RGL1: variants seen among roughly 807,000 people sequenced by gnomAD.
The protein encoded by RGL1 is ral guanine nucleotide dissociation stimulator like 1.
A neutral mutation model predicts 95.2 loss-of-function variants in RGL1; 24 were observed. That is an observed-to-expected ratio of 0.25 (90% confidence interval 0.18 to 0.35). The LOEUF (loss-of-function observed/expected upper bound fraction) is 0.35, where lower values mean the gene tolerates loss of function less well. Ranked by LOEUF, RGL1 falls within the 10% of genes least tolerant of loss-of-function variation. The pLI is 1.00. For missense variants in RGL1, 715 were observed against 936.3 expected (o/e 0.76, Z 3.08); for synonymous variants, 329 against 344.9 (o/e 0.95, Z 0.51).
At chr1:183,855,015 T>C (rs576197899) in intron 3 of RGL1, among the ~76,000 whole-genome samples, 1 of 152,314 alleles carries the variant, frequency 6.6e-6, no homozygotes, top group East Asian at 1.9e-4. Flanking sequence ...CATGACTGTC[T>C]TTCCCACTCA....
chr1:183,713,248 A>G (rs901307144), intron 1 of RGL1, among the ~76,000 whole-genome samples: 1 of 151,012 alleles, frequency 6.6e-6, no homozygotes, highest in Admixed American at 6.6e-5. Context: ...CTGGTCTCGA[A>G]CTCCTGACCT....
intron 1 of RGL1, among the ~76,000 whole-genome samples, chr1:183,678,896 C>T (rs1186845839): frequency 1.3e-5 from 2 of 152,188 alleles, no homozygotes; most frequent in East Asian, 1.9e-4. Context: ...CTGTTAGTCC[C>T]CTTTTACAAG....
chr1:183,830,813 G>A (rs2102486973), intron 2 of RGL1, among the ~76,000 whole-genome samples: 1 of 152,326 alleles, frequency 6.6e-6, no homozygotes, highest in Admixed American at 6.5e-5. Context: ...GCTATGAAGA[G>A]ATGGGACCAG....
chr1:183,907,151 C>A, intron 14 of RGL1, 50 bp downstream of exon 14: 11 of 1,096,634 alleles, frequency 1.0e-5, no homozygotes, highest in African/African-American at 1.5e-5. Flanking sequence ...CCATCAGAGT[C>A]GTGAGAGGAG....
intron 1 of RGL1, among the ~76,000 whole-genome samples, chr1:183,736,690 A>T (rs1293396221): frequency 6.6e-6 from 1 of 152,240 alleles, no homozygotes; most frequent in Non-Finnish European, 1.5e-5. Context: ...AAGAAATGGC[A>T]GAAAGACAAA....
Position 183,774,340 on chromosome 1 carries a change from G to T in RGL1, c.133-32035G>T, listed in dbSNP as rs1659472869. ...ATTTTTTGTTTGTTTTGTTATGAAA[G>T]CAAAAAGGGCACTGCAGAAATGATA... On this transcript the variant is annotated intron_variant, in intron 2 of 18. Coordinates refer to the RGL1 transcript ENST00000304685. Among the ~76,000 whole-genome samples the T allele has an allele frequency of 2.0e-5, 3 of 152,178 alleles. No homozygotes were observed. In the South Asian group the frequency reaches 6.2e-4, roughly 32 times the overall value.
At chr1:183,880,383 AC>A (rs369759856) in intron 4 of RGL1, among the ~76,000 whole-genome samples, 64,164 of 151,752 alleles carry the variant, frequency 0.42, 13,664 homozygotes, top group East Asian at 0.48. Flanking sequence ...ACAAACAACA[AC>A]AACAAAAAAC....
chr1:183,750,592 T>C (rs1458753524), intron 2 of RGL1, among the ~76,000 whole-genome samples: 1 of 150,288 alleles, frequency 6.7e-6, no homozygotes, highest in Non-Finnish European at 1.5e-5. Context: ...CATCCAGTTT[T>C]GTTCCCTTGC....
At chr1:183,659,472 A>G (rs1651448381) in intron 1 of RGL1, among the ~76,000 whole-genome samples, 1 of 152,232 alleles carries the variant, frequency 6.6e-6, no homozygotes, top group Non-Finnish European at 1.5e-5. Flanking sequence ...GGAAGATGAG[A>G]TGAATGAAAT....
chr1:183,749,657 G>A (rs947104713), intron 2 of RGL1, among the ~76,000 whole-genome samples: 104 of 152,264 alleles, frequency 6.8e-4, no homozygotes, highest in African/African-American at 2.3e-3. Context: ...CCATAGTGTC[G>A]TTGGTCTTTA....
At position 183,790,133 on chromosome 1, in the gene RGL1, T is replaced by A. The variant is rs544694324; in HGVS notation, c.133-16242T>A. Among the ~76,000 whole-genome samples, 5 of 151,948 alleles carry A rather than the reference T, an allele frequency of 3.3e-5. No homozygotes were observed. In the South Asian group the frequency reaches 1.0e-3, roughly 32 times the overall value. ...TAGAGGTGGGGTTTCACCATGTTGG[T>A]CATAGCTGGTCTCGAACTCCTGACA... On this transcript the variant is annotated intron_variant, in intron 2 of 18. Coordinates refer to the RGL1 transcript ENST00000304685.
intron 2 of RGL1, among the ~76,000 whole-genome samples, chr1:183,843,426 G>A (rs548039730): frequency 6.6e-6 from 1 of 152,174 alleles, no homozygotes; most frequent in Admixed American, 6.5e-5. Flanking sequence ...CTGAAAGAGA[G>A]GGGCTGGGTT....
chr1:183,697,004 T>C (rs897093590), intron 1 of RGL1, among the ~76,000 whole-genome samples: 15 of 152,220 alleles, frequency 9.9e-5, no homozygotes, highest in Non-Finnish European at 1.9e-4. Flanking sequence ...AGCAGCCAAA[T>C]TGATCCAGTC....
chr1:183,682,120 T>C (rs879629157), intron 1 of RGL1, among the ~76,000 whole-genome samples: 5 of 152,218 alleles, frequency 3.3e-5, no homozygotes, highest in Non-Finnish European at 7.3e-5. Context: ...AAAAACCAGC[T>C]CCTGGATTCA....
intron 2 of RGL1, among the ~76,000 whole-genome samples, chr1:183,833,757 A>G (rs1329091180): frequency 6.6e-6 from 1 of 152,206 alleles, no homozygotes; most frequent in African/African-American, 2.4e-5. Flanking sequence ...ACAAATGAAT[A>G]ATAGAATCCA....
chr1:183,640,457 T>C (rs1649848617), intron 1 of RGL1, among the ~76,000 whole-genome samples: 1 of 152,190 alleles, frequency 6.6e-6, no homozygotes. Context: ...GCAACTTTCA[T>C]AAACCTTTAT....
chr1:183,763,888 C>A (rs1658831187), intron 2 of RGL1, among the ~76,000 whole-genome samples: 1 of 152,180 alleles, frequency 6.6e-6, no homozygotes, highest in South Asian at 2.1e-4. Flanking sequence ...TTGACTCCTG[C>A]TGCCTGAATT....
At chr1:183,870,341 G>T (rs1055152714) in intron 4 of RGL1, among the ~76,000 whole-genome samples, 4 of 104,800 alleles carry the variant, frequency 3.8e-5, no homozygotes, top group Non-Finnish European at 6.7e-5. Context: ...GCCAGGGTAG[G>T]TGTCTTCCGG....
chr1:183,865,427 A>C (rs1453037165), intron 3 of RGL1, among the ~76,000 whole-genome samples: 9 of 152,184 alleles, frequency 5.9e-5, no homozygotes, highest in Non-Finnish European at 8.8e-5. Context: ...GAGAGCTTCT[A>C]CTGTAGTCCT....
Sources: gnomAD v4.1 joint callset for allele counts (sites outside exome capture counted in the v4.1 genomes callset) on GRCh38, gnomAD v4.1.1 for gene constraint, MANE v1.5 for transcripts, NCBI Gene and HGNC (gene_info 2026-07-23, HGNC 2026-07-21) for gene names.